Variants in STK3 observed in about 807,000 individuals in gnomAD.
STK3 encodes serine/threonine kinase 3, also known as serine/threonine-protein kinase 3.
Under a neutral mutation model 58.0 loss-of-function variants are expected in STK3, and 41 were observed. The ratio of observed to expected loss-of-function variants is 0.71; its 90% CI spans 0.55 to 0.92. STK3 has a LOEUF of 0.92. Among genes scored for constraint, STK3 ranks in the 40% least tolerant of loss-of-function variants. STK3 has a pLI of 0.00. For synonymous variants in STK3, 170 were observed against 191.0 expected, an observed-to-expected ratio of 0.89 and a Z score of 0.91; for missense variants, 479 against 602.7, an observed-to-expected ratio of 0.79 and a Z score of 2.15.
At chr8:98,536,988 G>C (rs1391768241) in intron 9 of STK3, among the ~76,000 whole-genome samples, 1 of 152,110 alleles carries the variant, frequency 6.6e-6, no homozygotes, top group Non-Finnish European at 1.5e-5. Flanking sequence ...ATGGCAAAAT[G>C]CCTTTTGGCT....
intron 7 of STK3, among the ~76,000 whole-genome samples, chr8:98,586,444 A>T (rs1422588458): frequency 6.0e-5 from 9 of 150,556 alleles, no homozygotes; most frequent in African/African-American, 2.2e-4. Context: ...CCAGGGATGA[A>T]GCCCACTTGA....
intron 1 of STK3, among the ~76,000 whole-genome samples, chr8:98,917,650 T>C (rs570017029): frequency 6.6e-6 from 1 of 152,316 alleles, no homozygotes; most frequent in South Asian, 2.1e-4. Context: ...TCATCTCGAA[T>C]AGCCCAGCCT....
chr8:98,849,053 C>A (rs1423289835), intron 3 of STK3, among the ~76,000 whole-genome samples: 1 of 151,776 alleles, frequency 6.6e-6, no homozygotes, highest in Non-Finnish European at 1.5e-5. Flanking sequence ...GGTGAAACCC[C>A]GTCTCTACTA....
intron 3 of STK3, among the ~76,000 whole-genome samples, chr8:98,405,431 T>A (rs1217176875): frequency 2.6e-5 from 4 of 152,214 alleles, no homozygotes. Context: ...GTGGTGGTAA[T>A]ATTGTTATTA....
chr8:98,467,389 G>A (rs114292101), intron 10 of STK3, among the ~76,000 whole-genome samples: 2 of 152,080 alleles, frequency 1.3e-5, no homozygotes, highest in Non-Finnish European at 2.9e-5. Context: ...CTTAGTAATC[G>A]CTGGAGGGAG....
Position 98,428,376 on chromosome 8 carries a change from G to A in STK3, n.483+5751C>T. 6.2e-7 allele frequency: 1 copy of A among 1,614,154 alleles called. No homozygotes were observed. Among genetic ancestry groups the A allele is most frequent in the Non-Finnish European group, 8.5e-7 (1 of 1,180,022 alleles). ...TGGCCGCAAAGTAGAGCCCGAGCAG[G>A]AGAAGTGGGACGAGCAGAGTGACCA... On this transcript the variant is annotated intron_variant and non_coding_transcript_variant, in intron 3 of 3. Coordinates refer to the STK3 transcript ENST00000517832. This position sits in a 1 kb window ranked among gnomAD's most constrained non-coding sequence, Gnocchi z 6.7.
intron 1 of STK3, among the ~76,000 whole-genome samples, chr8:98,805,334 C>T (rs942592691): frequency 3.3e-5 from 5 of 152,272 alleles, no homozygotes; most frequent in East Asian, 1.9e-4. Context: ...AATCCCAGCA[C>T]TTTGGGAGGC....
chr8:98,905,350 C>T (rs1445302234), intron 1 of STK3: 55 of 989,166 alleles, frequency 5.6e-5, no homozygotes, highest in Non-Finnish European at 8.8e-5. Flanking sequence ...TTCACGATGT[C>T]ACATTCAATG....
At chr8:98,601,522 T>C (rs1005574998) in intron 6 of STK3, 1 of 152,184 alleles carries the variant, frequency 6.6e-6, no homozygotes. Flanking sequence ...AGCACATAAA[T>C]GTATCCATAC....
At chr8:98,773,708 T>C (rs1335037086) in intron 2 of STK3, among the ~76,000 whole-genome samples, 1 of 152,188 alleles carries the variant, frequency 6.6e-6, no homozygotes, top group Non-Finnish European at 1.5e-5. Context: ...TGTCTTTTAA[T>C]GGGAAAATTA....
chr8:98,392,601 T>G (rs539945307), upstream of STK3, among the ~76,000 whole-genome samples: 64 of 152,238 alleles, frequency 4.2e-4, 1 homozygote, highest in Non-Finnish European at 5.1e-4. Context: ...AGGCCCTCTC[T>G]TCTCAGACTG....
chr8:98,838,863 G>A (rs149133746), intron 3 of STK3, among the ~76,000 whole-genome samples: 2,025 of 147,522 alleles, frequency 0.014, 22 homozygotes, highest in Non-Finnish European at 0.018. Context: ...CTCCCTCCCC[G>A]CAATCCCGCC....
intron 1 of STK3, among the ~76,000 whole-genome samples, chr8:98,440,579 G>T (rs977590533): frequency 6.6e-6 from 1 of 152,064 alleles, no homozygotes; most frequent in Non-Finnish European, 1.5e-5. Context: ...GTGTGTGTGT[G>T]TGTGTGTACC....
intron 2 of STK3, among the ~76,000 whole-genome samples, chr8:98,768,088 T>C (rs762442886): frequency 2.6e-5 from 4 of 152,262 alleles, no homozygotes; most frequent in Non-Finnish European, 5.9e-5. Flanking sequence ...AAGCCATTTG[T>C]ACCTTAGTAT....
At chr8:98,584,078 CTTTTT>C (rs922620361) in intron 7 of STK3, among the ~76,000 whole-genome samples, 1 of 145,212 alleles carries the variant, frequency 6.9e-6, no homozygotes, top group South Asian at 2.2e-4. Context: ...TAGTGAAAAT[CTTTTT>C]TTTTTTAAAG....
chr8:98,712,516 A>G (rs1376727684), intron 4 of STK3, among the ~76,000 whole-genome samples: 1 of 151,300 alleles, frequency 6.6e-6, no homozygotes, highest in East Asian at 1.9e-4. Flanking sequence ...TTAAACCAAC[A>G]AAGATCAAAA....
At chr8:98,658,002 A>G (rs1046623016) in intron 6 of STK3, among the ~76,000 whole-genome samples, 1 of 152,086 alleles carries the variant, frequency 6.6e-6, no homozygotes, top group Non-Finnish European at 1.5e-5. Context: ...ATATTGCCCT[A>G]AAGTCACATA....
intron 3 of STK3, chr8:98,413,472 A>T: frequency 6.7e-6 from 4 of 600,274 alleles, no homozygotes; most frequent in Non-Finnish European, 1.3e-5. Flanking sequence ...ACTGCTCTGA[A>T]GTGGCTTCAG....
intron 1 of STK3, among the ~76,000 whole-genome samples, chr8:98,790,902 T>C (rs999529590): frequency 4.6e-5 from 7 of 151,860 alleles, no homozygotes; most frequent in East Asian, 1.9e-4. Context: ...GAGAATCACT[T>C]GAACCCCAGA....
Sources: allele counts gnomAD v4.1 joint callset (sites outside exome capture counted in the v4.1 genomes callset), GRCh38; gene constraint gnomAD v4.1.1; non-coding constraint Gnocchi (gnomAD v3.1); transcripts MANE v1.5; gene names NCBI Gene and HGNC (gene_info 2026-07-23, HGNC 2026-07-21).